Variants in PAK5 observed in about 807,000 individuals in gnomAD.
PAK5 encodes p21 (RAC1) activated kinase 5.
Under a neutral mutation model 65.9 loss-of-function variants are expected in PAK5, and 16 were observed. The observed-to-expected ratio is 0.24, with a 90% CI of 0.16 to 0.37. The LOEUF is 0.37. Ranked by LOEUF, PAK5 falls within the 10% of genes least tolerant of loss-of-function variation. The pLI, the probability that PAK5 is intolerant of heterozygous loss-of-function variation, is 1.00. For missense variants in PAK5, 785 were observed against 903.9 expected (o/e 0.87, Z 1.69); for synonymous variants, 371 against 354.9 (o/e 1.05, Z -0.51).
At chr20:9,753,113 A>T (rs1354842104) in intron 1 of PAK5, among the ~76,000 whole-genome samples, 4 of 152,180 alleles carry the variant, frequency 2.6e-5, no homozygotes, top group African/African-American at 2.4e-5. Context: ...ACCAGCTGGC[A>T]GCAACCTAGC....
intron 2 of PAK5, among the ~76,000 whole-genome samples, chr20:9,697,132 A>G (rs1162665288): frequency 6.6e-6 from 1 of 152,072 alleles, no homozygotes; most frequent in Non-Finnish European, 1.5e-5. Flanking sequence ...ACTTCTTGCC[A>G]TCTAAACATT....
chr20:9,550,702 G>C (rs915614373), intron 7 of PAK5, among the ~76,000 whole-genome samples: 10 of 151,248 alleles, frequency 6.6e-5, no homozygotes, highest in African/African-American at 9.8e-5. Context: ...GTCTGGGTTA[G>C]TTTTAGGAAG....
intron 3 of PAK5, among the ~76,000 whole-genome samples, chr20:9,628,163 A>C (rs1600166358): frequency 6.6e-6 from 1 of 152,284 alleles, no homozygotes; most frequent in East Asian, 1.9e-4. Context: ...CTTGACTGCT[A>C]ATGTTTTAAT....
intron 1 of PAK5, among the ~76,000 whole-genome samples, chr20:9,717,084 CAA>C (rs58508007): frequency 2.4e-4 from 29 of 122,300 alleles, no homozygotes; most frequent in South Asian, 2.6e-4. Flanking sequence ...GAACTTATCT[CAA>C]AAAAAAAAAA....
intron 1 of PAK5, among the ~76,000 whole-genome samples, chr20:9,831,034 C>G (rs769469090): frequency 1.3e-4 from 20 of 152,254 alleles, no homozygotes; most frequent in Non-Finnish European, 2.8e-4. Flanking sequence ...GGCACCCCCC[C>G]TCCTATCCCA....
At chr20:9,811,389 G>A (rs78910308) in intron 1 of PAK5, among the ~76,000 whole-genome samples, 191 of 152,200 alleles carry the variant, frequency 1.3e-3, no homozygotes, top group Admixed American at 3.7e-3. Flanking sequence ...CTAGAATTCA[G>A]GGGTAAAAAA....
At chr20:9,582,117 A>G (rs2045989606) in intron 3 of PAK5, among the ~76,000 whole-genome samples, 1 of 152,202 alleles carries the variant, frequency 6.6e-6, no homozygotes, top group East Asian at 1.9e-4. Context: ...GAAGTTGCAA[A>G]GAGAATACAG....
intron 1 of PAK5, among the ~76,000 whole-genome samples, chr20:9,790,339 G>T (rs2049037188): frequency 6.6e-6 from 1 of 151,970 alleles, no homozygotes; most frequent in Non-Finnish European, 1.5e-5. Flanking sequence ...GTATAAAGGG[G>T]CCCCAGAAAA....
chr20:9,657,495 A>AT (rs1306400155), intron 2 of PAK5, among the ~76,000 whole-genome samples: 1 of 152,208 alleles, frequency 6.6e-6, no homozygotes, highest in African/African-American at 2.4e-5. Flanking sequence ...TTGTATTACT[A>AT]ATATTTTTAT....
intron 1 of PAK5, among the ~76,000 whole-genome samples, chr20:9,756,353 C>G (rs978204572): frequency 1.3e-5 from 2 of 152,048 alleles, no homozygotes; most frequent in Non-Finnish European, 2.9e-5. Context: ...TTGGGTGGAG[C>G]TGGCCTTCAG....
chr20:9,653,417 C>G (rs2047226061), intron 2 of PAK5, among the ~76,000 whole-genome samples: 1 of 152,330 alleles, frequency 6.6e-6, no homozygotes, highest in South Asian at 2.1e-4. Context: ...TTCCAAAGCT[C>G]CTCTTGGATT....
chr20:9,618,823 A>G lies in PAK5; in HGVS notation c.204+25302T>C, dbSNP rs78513784. On this transcript the variant is annotated intron_variant, in intron 3 of 9. Coordinates refer to ENST00000353224, the MANE Select transcript of PAK5 (RefSeq NM_177990.4). The stretch of plus-strand genomic sequence containing the variant: ...GCTGAGATGAATCGATATTTTCATA[A>G]CATATCATATGTTTCAGGACTGGAG... Among the ~76,000 whole-genome samples, 180 of 151,776 alleles carry G rather than the reference A, an allele frequency of 1.2e-3. 4 individuals carry two copies. The East Asian group carries it at 0.035, about 29-fold the overall frequency.
chr20:9,713,219 C>G (rs1398646256), intron 1 of PAK5, among the ~76,000 whole-genome samples: 1 of 152,006 alleles, frequency 6.6e-6, no homozygotes, highest in East Asian at 1.9e-4. Context: ...ATAGACATTT[C>G]TCAAAAGAAG....
Position 9,815,178 on chromosome 20 carries a change from A to G in PAK5, c.-162+23584T>C, listed in dbSNP as rs546969731. 2.1e-3 allele frequency among the ~76,000 whole-genome samples: 323 copies of G among 152,294 alleles called. 1 individual carries two copies. The highest frequency in any genetic ancestry group is 7.4e-3 in the African/African-American group (309 of 41,572). The stretch of plus-strand genomic sequence containing the variant: ...AAAAATTCATGAAGGATCCGCCCCC[A>G]TGATCCAAACACTTCCTACCAGGCC... On this transcript the variant is annotated intron_variant, in intron 1 of 9. Transcript: ENST00000353224.
intron 1 of PAK5, among the ~76,000 whole-genome samples, chr20:9,765,079 A>G (rs2048742377): frequency 6.6e-6 from 1 of 152,216 alleles, no homozygotes; most frequent in African/African-American, 2.4e-5. Context: ...AGCGGTGACC[A>G]TGGAGACTGA....
intron 2 of PAK5, among the ~76,000 whole-genome samples, chr20:9,659,221 T>C (rs746842193): frequency 2.0e-5 from 3 of 152,180 alleles, no homozygotes; most frequent in Non-Finnish European, 1.5e-5. Context: ...TTTAACAACA[T>C]CAGAGCCTGC....
At chr20:9,758,593 ATGACTTTG>A (rs2048662448) in intron 1 of PAK5, among the ~76,000 whole-genome samples, 1 of 152,156 alleles carries the variant, frequency 6.6e-6, no homozygotes, top group Non-Finnish European at 1.5e-5. Context: ...CCCCACTACC[ATGACTTTG>A]TGACATTGCA....
At chr20:9,784,114 C>A (rs374647429) in intron 1 of PAK5, among the ~76,000 whole-genome samples, 1 of 152,114 alleles carries the variant, frequency 6.6e-6, no homozygotes. Context: ...TAATGGGAAT[C>A]TCAGAATAGA....
rs1190179215 is a variant in PAK5, at chr20:9,838,048, T to C, written c.-162+714A>G. Among the ~76,000 whole-genome samples the C allele has an allele frequency of 1.3e-5, 2 of 152,046 alleles. No homozygotes were observed. Among genetic ancestry groups the C allele is most frequent in the Non-Finnish European group, 2.9e-5 (2 of 68,012 alleles). On this transcript the variant is annotated intron_variant, in intron 1 of 9. Transcript: ENST00000353224. The surrounding 1 kb of genome is among the most constrained non-coding windows in gnomAD (Gnocchi z 4.5). ...AGTGATGATCCCTGGACTTCTCAAG[T>C]TTACCCTCTAGGAGGCTGACATGGC...
Sources: allele counts gnomAD v4.1 joint callset (sites outside exome capture counted in the v4.1 genomes callset), GRCh38; gene constraint gnomAD v4.1.1; non-coding constraint Gnocchi (gnomAD v3.1); transcripts MANE v1.5; gene names NCBI Gene and HGNC (gene_info 2026-07-23, HGNC 2026-07-21).